Variants in ADGRL3 observed in about 807,000 individuals in gnomAD.
ADGRL3 encodes the protein adhesion G protein-coupled receptor L3, also known as calcium-independent alpha-latrotoxin receptor 3.
Under a neutral mutation model 153.5 loss-of-function variants are expected in ADGRL3, and 62 were observed. That is an observed-to-expected ratio of 0.40 (90% CI 0.33 to 0.50). The LOEUF (loss-of-function observed/expected upper bound fraction) is 0.50, where lower values mean the gene tolerates loss of function less well. ADGRL3 is among the 20% of genes least tolerant of loss of function. The pLI, the probability that ADGRL3 is intolerant of heterozygous loss-of-function variation, is 0.47. For synonymous variants in ADGRL3, 710 were observed against 672.5 expected, an observed-to-expected ratio of 1.06 and a Z score of -0.86; for missense variants, 1,641 against 1,859.4, an observed-to-expected ratio of 0.88 and a Z score of 2.16.
intron 4 of ADGRL3, among the ~76,000 whole-genome samples, chr4:61,535,374 C>A (rs1441419982): frequency 1.3e-5 from 2 of 152,004 alleles, no homozygotes; most frequent in Non-Finnish European, 2.9e-5. Flanking sequence ...CATCTGTGTT[C>A]ATCAGGGATA....
intron 1 of ADGRL3, among the ~76,000 whole-genome samples, chr4:61,286,242 T>C (rs1312695236): frequency 1.3e-5 from 2 of 151,330 alleles, no homozygotes; most frequent in Admixed American, 1.3e-4. Context: ...TTTGAACCCA[T>C]AGAATAATTC....
Position 62,037,798 on chromosome 4 carries a change from T to A in ADGRL3, c.3659T>A (p.Ile1220Asn), listed in dbSNP as rs190804185. Residue 1220 changes from isoleucine (I) to asparagine (N), a missense_variant, in exon 24 of 27, where the codon ATT (isoleucine) becomes AAT (asparagine). Physicochemically the swap from Ile to Asn is moderately radical, Grantham distance 149. Transcript: ENST00000683033. ...AGTGGCAAAAGTACAGAGAGTTCCA[T>A]TGGTTCAGGGAAAACATCTGGTTCT... ...CCSGKSTESS[I>N]GSGKTSGSRT... The A allele has an allele frequency of 7.6e-5, 123 of 1,613,740 alleles. No homozygotes were observed. The African/African-American group carries it at 1.6e-3, about 21-fold the overall frequency.
chr4:61,643,453 A>T (rs965236492), intron 5 of ADGRL3, among the ~76,000 whole-genome samples: 1 of 151,262 alleles, frequency 6.6e-6, no homozygotes, highest in Non-Finnish European at 1.5e-5. Context: ...ATTATTTTGA[A>T]ATACGTCCCA....
intron 1 of ADGRL3, among the ~76,000 whole-genome samples, chr4:61,317,669 T>A (rs1442576158): frequency 1.3e-5 from 2 of 152,164 alleles, no homozygotes; most frequent in African/African-American, 4.8e-5. Context: ...AGGTAGCTTG[T>A]TCCTCGTTAC....
intron 2 of ADGRL3, among the ~76,000 whole-genome samples, chr4:61,409,102 A>G (rs2097046425): frequency 2.0e-5 from 3 of 150,248 alleles, no homozygotes; most frequent in Non-Finnish European, 4.4e-5. Flanking sequence ...TTTTCAAGTT[A>G]CATTTTAAAT....
At chr4:61,708,970 C>T (rs766678838) in intron 6 of ADGRL3, among the ~76,000 whole-genome samples, 4 of 151,862 alleles carry the variant, frequency 2.6e-5, no homozygotes, top group South Asian at 2.1e-4. Context: ...CCACCATGCC[C>T]GGCTGATTTC....
intron 1 of ADGRL3, among the ~76,000 whole-genome samples, chr4:61,369,671 G>A (rs1578475485): frequency 6.6e-6 from 1 of 152,174 alleles, no homozygotes; most frequent in Non-Finnish European, 1.5e-5. Flanking sequence ...TGTTCATCAA[G>A]GATATTGGTC....
At chr4:61,274,357 C>T (rs1417089109) in intron 1 of ADGRL3, among the ~76,000 whole-genome samples, 1 of 152,232 alleles carries the variant, frequency 6.6e-6, no homozygotes, top group East Asian at 1.9e-4. Flanking sequence ...AATTGTATCC[C>T]ATTAATGGAA....
intron 9 of ADGRL3, among the ~76,000 whole-genome samples, chr4:61,869,591 C>A (rs769383475): frequency 5.9e-5 from 9 of 151,470 alleles, no homozygotes; most frequent in Non-Finnish European, 8.8e-5. Flanking sequence ...GGCGACAGAG[C>A]GAGACTCCGT....
intron 2 of ADGRL3, among the ~76,000 whole-genome samples, chr4:61,436,298 A>T (rs974352199): frequency 2.0e-5 from 3 of 152,202 alleles, no homozygotes; most frequent in South Asian, 2.1e-4. Flanking sequence ...TTAGGCAAAT[A>T]TTAGGAAAAA....
intron 23 of ADGRL3, among the ~76,000 whole-genome samples, chr4:62,036,760 A>G (rs1479426455): frequency 6.6e-6 from 1 of 152,080 alleles, no homozygotes; most frequent in Non-Finnish European, 1.5e-5. Flanking sequence ...AGAATAGTTT[A>G]TATACATGAT....
At chr4:61,780,461 A>T (rs940971366) in intron 8 of ADGRL3, among the ~76,000 whole-genome samples, 3 of 152,254 alleles carry the variant, frequency 2.0e-5, no homozygotes, top group Admixed American at 2.0e-4. Flanking sequence ...AGGAATTTAG[A>T]AAAGGAACCA....
intron 9 of ADGRL3, among the ~76,000 whole-genome samples, chr4:61,879,899 T>A (rs1435257099): frequency 2.0e-5 from 3 of 151,764 alleles, no homozygotes; most frequent in Non-Finnish European, 4.4e-5. Flanking sequence ...TTTTAAAAAA[T>A]TTTTAGTACA....
At chr4:61,531,954 G>A (rs1404367646) in intron 4 of ADGRL3, among the ~76,000 whole-genome samples, 3 of 152,178 alleles carry the variant, frequency 2.0e-5, no homozygotes, top group Non-Finnish European at 4.4e-5. Flanking sequence ...AAGGTGGTGT[G>A]TTCTACCACA....
At chr4:61,590,553 G>C (rs2098965330) in intron 5 of ADGRL3, among the ~76,000 whole-genome samples, 1 of 152,212 alleles carries the variant, frequency 6.6e-6, no homozygotes, top group East Asian at 1.9e-4. Context: ...ACAACGTGCA[G>C]TTTACCATAA....
At chr4:61,800,994 A>G (rs2097488942) in intron 8 of ADGRL3, among the ~76,000 whole-genome samples, 1 of 152,166 alleles carries the variant, frequency 6.6e-6, no homozygotes, top group Non-Finnish European at 1.5e-5. Flanking sequence ...GTTAACTGCA[A>G]TTTGATCAGG....
At chr4:61,835,796 A>G (rs1167533066) in intron 9 of ADGRL3, among the ~76,000 whole-genome samples, 2 of 152,214 alleles carry the variant, frequency 1.3e-5, no homozygotes, top group Non-Finnish European at 2.9e-5. Flanking sequence ...CCAGAAGCCA[A>G]GAATTGAACC....
chr4:61,517,931 T>C (rs962494196), intron 4 of ADGRL3, among the ~76,000 whole-genome samples: 1 of 152,184 alleles, frequency 6.6e-6, no homozygotes, highest in Non-Finnish European at 1.5e-5. Flanking sequence ...AAGATTATGA[T>C]TAAGACGTCT....
chr4:61,717,015 A>G (rs1396501344), intron 6 of ADGRL3, among the ~76,000 whole-genome samples: 1 of 152,188 alleles, frequency 6.6e-6, no homozygotes. Flanking sequence ...TCATGCATCT[A>G]GATGCATGAA....
Sources: allele counts gnomAD v4.1 joint callset (sites outside exome capture counted in the v4.1 genomes callset), GRCh38; gene constraint gnomAD v4.1.1; transcripts MANE v1.5; gene names NCBI Gene and HGNC (gene_info 2026-07-23, HGNC 2026-07-21).